The following SLC24A2 variants were observed in gnomAD, a reference collection of about 807,000 sequenced individuals.
The protein encoded by SLC24A2 is sodium/potassium/calcium exchanger 2.
A neutral mutation model predicts 62.0 loss-of-function variants in SLC24A2; 36 were observed. The observed-to-expected ratio is 0.58, with a 90% CI of 0.44 to 0.77. The LOEUF is 0.77. Ranked by LOEUF, SLC24A2 falls within the 30% of genes least tolerant of loss-of-function variation. The pLI is 0.00. For missense variants in SLC24A2, 846 were observed against 817.9 expected (o/e 1.03, Z -0.42); for synonymous variants, 358 against 294.0 (o/e 1.22, Z -2.23).
At chr9:19,677,830 CAT>C (rs1370191969) in intron 2 of SLC24A2, among the ~76,000 whole-genome samples, 3 of 149,448 alleles carry the variant, frequency 2.0e-5, no homozygotes, top group African/African-American at 4.9e-5. Flanking sequence ...TCTATATAAA[CAT>C]ATACATTTAT....
rs775551908 is a variant in SLC24A2 at position 19,547,190 on chromosome 9, CT to C, written c.1479+2946del. Among the ~76,000 whole-genome samples the C allele has an allele frequency of 1.2e-4, 19 of 152,288 alleles. No individual in the cohort carries two copies. In the Middle Eastern group the frequency reaches 0.014, roughly 109 times the overall value. On this transcript the variant is annotated intron_variant, in intron 8 of 10. Transcript: ENST00000341998. ...GGAAGTTGAAAAAAACCAAAGTGTT[CT>C]TCCTAAGAGTCTTATTTCTGCTTGG...
At chr9:19,910,128 A>G in the SLC24A2 span, among the ~76,000 whole-genome samples, 1 of 151,992 alleles carries the variant, frequency 6.6e-6, no homozygotes, top group East Asian at 1.9e-4. Context: ...CTACCATCCA[A>G]TCTTATTTCC....
the SLC24A2 span, among the ~76,000 whole-genome samples, chr9:20,095,912 A>C: frequency 2.6e-5 from 4 of 152,114 alleles, no homozygotes; most frequent in African/African-American, 7.2e-5. Flanking sequence ...AAATCATCAG[A>C]TCTTGTGAGA....
At chr9:19,891,662 C>T in the SLC24A2 span, among the ~76,000 whole-genome samples, 1 of 152,288 alleles carries the variant, frequency 6.6e-6, no homozygotes, top group African/African-American at 2.4e-5. Flanking sequence ...GGGAAGATCG[C>T]TTGAGACCAA....
At chr9:20,124,372 A>T in the SLC24A2 span, among the ~76,000 whole-genome samples, 55 of 151,678 alleles carry the variant, frequency 3.6e-4, no homozygotes, top group Non-Finnish European at 6.5e-4. Flanking sequence ...CATGTTATTT[A>T]AAAAAAAAGA....
chr9:19,772,868 T>C (rs186126932), intron 2 of SLC24A2, among the ~76,000 whole-genome samples: 134 of 152,292 alleles, frequency 8.8e-4, no homozygotes, highest in African/African-American at 3.0e-3. Context: ...TAAAAACATG[T>C]ATTCACACAA....
chr9:19,815,664 C>T, the SLC24A2 span, among the ~76,000 whole-genome samples: 1 of 152,114 alleles, frequency 6.6e-6, no homozygotes, highest in African/African-American at 2.4e-5. Flanking sequence ...TCAAAAGAGT[C>T]ACCGGCTCTT....
At chr9:20,229,607 C>T in the SLC24A2 span, among the ~76,000 whole-genome samples, 1 of 152,052 alleles carries the variant, frequency 6.6e-6, no homozygotes, top group Non-Finnish European at 1.5e-5. Flanking sequence ...TCAACTTTTC[C>T]TTTGAGCTTC....
chr9:20,019,253 G>GAGAAAGAAAGAAAGAAAGAA, the SLC24A2 span, among the ~76,000 whole-genome samples: 156 of 109,732 alleles, frequency 1.4e-3, 2 homozygotes, highest in Non-Finnish European at 1.7e-3. Context: ...AAGAAGGAAA[G>GAGAAAGAAAGAAAGAAAGAA]AGAAAGAAAG....
chr9:19,928,987 C>A, the SLC24A2 span: 1 of 152,244 alleles, frequency 6.6e-6, no homozygotes, highest in African/African-American at 2.4e-5. Context: ...CCCTAGCTGA[C>A]TGAGGTGTTC....
At position 19,632,817 on chromosome 9, in the gene SLC24A2, T is replaced by C. The variant is rs193174015; in HGVS notation, c.931-10518A>G. On this transcript the variant is annotated intron_variant, in intron 2 of 10. Coordinates refer to ENST00000341998, the MANE Select transcript of SLC24A2 (RefSeq NM_020344.4). The surrounding 1 kb of genome is among the most constrained non-coding windows in gnomAD (Gnocchi z 4.5). ...GAACTCATTCAGATTTCACCAGTTATATGTGCACCTATTTGTGTTTGTGCA... is the reference window on the plus strand; with the variant it reads ...GAACTCATTCAGATTTCACCAGTTACATGTGCACCTATTTGTGTTTGTGCA... 3.3e-5 allele frequency among the ~76,000 whole-genome samples: 5 copies of C among 152,324 alleles called. No individual in the cohort carries two copies. In the East Asian group the frequency reaches 9.6e-4, roughly 29 times the overall value.
the SLC24A2 span, among the ~76,000 whole-genome samples, chr9:20,274,419 G>T: frequency 6.6e-6 from 1 of 152,278 alleles, no homozygotes; most frequent in East Asian, 1.9e-4. Context: ...AGAGAGTTTT[G>T]ATCAAAAAAG....
chr9:19,834,340 G>A, the SLC24A2 span, among the ~76,000 whole-genome samples: 3 of 151,792 alleles, frequency 2.0e-5, no homozygotes, highest in Non-Finnish European at 2.9e-5. Context: ...AAAATTAGAC[G>A]AATGGATAAC....
At chr9:20,149,896 A>T in the SLC24A2 span, among the ~76,000 whole-genome samples, 6 of 152,124 alleles carry the variant, frequency 3.9e-5, no homozygotes, top group South Asian at 1.2e-3. Flanking sequence ...CTCAAAGGTT[A>T]AAGGCCAGTC....
At chr9:20,141,717 T>C in the SLC24A2 span, among the ~76,000 whole-genome samples, 1 of 151,976 alleles carries the variant, frequency 6.6e-6, no homozygotes, top group Non-Finnish European at 1.5e-5. Flanking sequence ...GTAGCGTCCT[T>C]ATGCTCACTC....
the SLC24A2 span, among the ~76,000 whole-genome samples, chr9:20,186,449 A>G: frequency 1.3e-5 from 2 of 152,126 alleles, no homozygotes; most frequent in Non-Finnish European, 2.9e-5. Context: ...CTGGAGCCAC[A>G]TGGATGGCTA....
chr9:19,567,796 A>G (rs1241197435), intron 7 of SLC24A2, among the ~76,000 whole-genome samples: 1 of 152,126 alleles, frequency 6.6e-6, no homozygotes, highest in Non-Finnish European at 1.5e-5. Context: ...TTATTGGGAA[A>G]AGCTAGTGAT....
the SLC24A2 span, among the ~76,000 whole-genome samples, chr9:20,025,361 G>A: frequency 6.6e-6 from 1 of 152,130 alleles, no homozygotes; most frequent in Non-Finnish European, 1.5e-5. Flanking sequence ...ATAAGTTGAA[G>A]CTAATATTCT....
the SLC24A2 span, among the ~76,000 whole-genome samples, chr9:19,947,699 G>A: frequency 1.3e-5 from 2 of 150,418 alleles, no homozygotes; most frequent in East Asian, 2.0e-4. Context: ...GCTGAGGCAG[G>A]AGAATGGCGT....
Sources: allele counts gnomAD v4.1 joint callset (sites outside exome capture counted in the v4.1 genomes callset), GRCh38; gene constraint gnomAD v4.1.1; non-coding constraint Gnocchi (gnomAD v3.1); transcripts MANE v1.5; gene names NCBI Gene and HGNC (gene_info 2026-07-23, HGNC 2026-07-21).